Variants in ATP9B observed in about 807,000 individuals in gnomAD.
ATP9B encodes the protein probable phospholipid-transporting ATPase IIB.
ATP9B carries 110 observed loss-of-function variants against 146.1 expected under a neutral mutation model. The observed-to-expected ratio is 0.75, with a 90% CI of 0.65 to 0.88. The LOEUF (loss-of-function observed/expected upper bound fraction) is 0.88, where lower values mean the gene tolerates loss of function less well. ATP9B is among the 40% of genes least tolerant of loss of function. ATP9B has a pLI of 0.00. For missense variants in ATP9B, 1,499 were observed against 1,496.4 expected, an observed-to-expected ratio of 1.00 and a Z score of -0.03; for synonymous variants, 604 against 569.7, an observed-to-expected ratio of 1.06 and a Z score of -0.86.
At chr18:79,214,943 T>C (rs1369505737) in intron 11 of ATP9B, among the ~76,000 whole-genome samples, 1 of 151,934 alleles carries the variant, frequency 6.6e-6, no homozygotes, top group African/African-American at 2.4e-5. Flanking sequence ...GGGCCAGAAG[T>C]TTGAGACCAG....
At chr18:79,129,503 C>G (rs184965543) in intron 5 of ATP9B, among the ~76,000 whole-genome samples, 56 of 152,280 alleles carry the variant, frequency 3.7e-4, no homozygotes, top group Middle Eastern at 3.4e-3. Flanking sequence ...CCTCCTCCCC[C>G]CTGCCCCTCC....
chr18:79,271,735 A>C (rs1355476711), intron 12 of ATP9B, among the ~76,000 whole-genome samples: 2 of 152,132 alleles, frequency 1.3e-5, no homozygotes, highest in Non-Finnish European at 2.9e-5. Flanking sequence ...ATGATTTATA[A>C]TCCTTTGGGT....
intron 5 of ATP9B, among the ~76,000 whole-genome samples, chr18:79,133,434 T>C (rs2094406738): frequency 6.6e-6 from 1 of 152,132 alleles, no homozygotes; most frequent in Non-Finnish European, 1.5e-5. Flanking sequence ...TTCCATTTTT[T>C]ATTATTAGTT....
chr18:79,307,226 C>G lies in ATP9B; in HGVS notation c.1765C>G (p.Pro589Ala). 1 of 1,614,148 alleles carries G rather than the reference C, an allele frequency of 6.2e-7. No homozygotes were observed. Among genetic ancestry groups the G allele is most frequent in the Non-Finnish European group, 8.5e-7 (1 of 1,179,998 alleles). Reference protein sequence around the residue: ...DENRTYQASSPDEVALVQWTE... With the variant: ...DENRTYQASSADEVALVQWTE... ...GAATCGCACCTACCAGGCTTCCAGC[C>G]CGGATGAGGTCAGTCAAAGCACAAA... Residue 589 changes from proline (P) to alanine (A), a missense_variant, in exon 15 of 30, where the codon CCG (proline) becomes GCG (alanine). Physicochemically the swap from Pro to Ala is conservative, Grantham distance 27 (BLOSUM62 -1). Transcript: ENST00000426216.
At chr18:79,152,806 A>G (rs1330204258) in intron 6 of ATP9B, among the ~76,000 whole-genome samples, 1 of 152,130 alleles carries the variant, frequency 6.6e-6, no homozygotes. Context: ...AAACACAATT[A>G]TTTCCTCACT....
At chr18:79,165,760 A>G (rs905859543) in intron 7 of ATP9B, among the ~76,000 whole-genome samples, 4 of 152,088 alleles carry the variant, frequency 2.6e-5, no homozygotes, top group African/African-American at 4.8e-5. Context: ...TTCCTAGGCT[A>G]TGGCTGCAGC....
chr18:79,176,831 C>T lies in ATP9B; in HGVS notation c.797C>T (p.Thr266Ile), dbSNP rs1327097269. The T allele has an allele frequency of 6.2e-7, 1 of 1,613,908 alleles. No homozygotes were observed. Among genetic ancestry groups the T allele is most frequent in the Non-Finnish European group, 8.5e-7 (1 of 1,179,974 alleles). ...TTCCAAGGTTCGTGTTTTATTCGAA[C>T]TGATCAACTAGATGGTGAAACTGAC... is the stretch of plus-strand genomic sequence containing the variant. ...SEKAGSCFIR[T>I]DQLDGETDWK... Residue 266 changes from threonine to isoleucine, a missense_variant, in exon 8 of 30, where the codon ACT becomes ATT. Transcript: ENST00000426216.
chr18:79,240,434 A>T (rs1202895607), intron 11 of ATP9B, among the ~76,000 whole-genome samples: 1 of 152,234 alleles, frequency 6.6e-6, no homozygotes, highest in Non-Finnish European at 1.5e-5. Flanking sequence ...TCATGAGCCT[A>T]ATGGAAGTTT....
At chr18:79,340,917 G>A (rs1297313068) in intron 19 of ATP9B, among the ~76,000 whole-genome samples, 1 of 152,204 alleles carries the variant, frequency 6.6e-6, no homozygotes, top group East Asian at 1.9e-4. Context: ...CCCTGACTGT[G>A]TGCCGCCTTG....
chr18:79,113,105 T>C (rs2094002768), intron 3 of ATP9B, 136 bp from the exon 4 acceptor site: 1 of 529,706 alleles, frequency 1.9e-6, no homozygotes, highest in Non-Finnish European at 3.3e-6. Context: ...AATTAATACA[T>C]TTACTTTGAA....
At position 79,171,040 on chromosome 18, in the gene ATP9B, A is replaced by G. The variant is rs936029247; in HGVS notation, c.779-5773A>G. Among the ~76,000 whole-genome samples the G allele has an allele frequency of 8.3e-4, 126 of 152,212 alleles. 3 individuals carry two copies. The highest frequency in any genetic ancestry group is 8.2e-3 in the Admixed American group (126 of 15,282). ...AGTTGTACCTGAAAGATTCTTTGCT[A>G]ATGAGCATATTTTGTTTAGTCTAAT... On this transcript the variant is annotated intron_variant, in intron 7 of 29. Coordinates refer to ENST00000426216, the MANE Select transcript of ATP9B (RefSeq NM_198531.5).
chr18:79,364,550 A>G (rs529994268), intron 26 of ATP9B, among the ~76,000 whole-genome samples: 3 of 152,328 alleles, frequency 2.0e-5, no homozygotes, highest in East Asian at 3.9e-4. Flanking sequence ...TCCACCTCAC[A>G]CTTCATGTGA....
chr18:79,312,392 G>A (rs555494720), intron 15 of ATP9B, among the ~76,000 whole-genome samples: 13 of 152,368 alleles, frequency 8.5e-5, no homozygotes, highest in African/African-American at 2.9e-4. Context: ...GTATGGAGCT[G>A]CATCCTGGCA....
In ATP9B at chr18:79,144,968, A is replaced by G. The variant is rs1358189855; in HGVS notation, c.726+1108A>G. 12 of 230,372 alleles carry G rather than the reference A, an allele frequency of 5.2e-5. No individual in the cohort carries two copies. The South Asian group carries it at 5.8e-4, about 11-fold the overall frequency. The allele number at this position is 230,372 out of a possible 1,614,324, so 14.3% of individuals were successfully genotyped here. A position where few individuals can be genotyped will look rare whatever the true frequency, so the allele number is the denominator to read the frequency against. On this transcript the variant is annotated intron_variant, in intron 6 of 29. Coordinates refer to ENST00000426216, the MANE Select transcript of ATP9B (RefSeq NM_198531.5). ...CTATAAGAAAAACATCAAAGGTCCA[A>G]CGTGGAGATTGTCAGGGCTGCTGGC...
At chr18:79,303,885 T>C (rs2096606827) in intron 14 of ATP9B, among the ~76,000 whole-genome samples, 169 bp downstream of exon 14, 1 of 152,200 alleles carries the variant, frequency 6.6e-6, no homozygotes, top group Non-Finnish European at 1.5e-5. Flanking sequence ...TCGTCTTTGA[T>C]GAGCATTTGT....
chr18:79,077,832 A>G (rs1232017434), intron 1 of ATP9B: 3 of 152,236 alleles, frequency 2.0e-5, no homozygotes, highest in Non-Finnish European at 4.4e-5. Flanking sequence ...TGTTCCTCGT[A>G]TCTGCTTTCT....
intron 11 of ATP9B, among the ~76,000 whole-genome samples, chr18:79,224,802 A>G (rs1378836885): frequency 6.6e-6 from 1 of 152,172 alleles, no homozygotes; most frequent in East Asian, 1.9e-4. Flanking sequence ...TCAGGAAAGC[A>G]CCAGCTGCTC....
At chr18:79,125,058 G>A (rs1041038711) in intron 4 of ATP9B, among the ~76,000 whole-genome samples, 3 of 152,220 alleles carry the variant, frequency 2.0e-5, no homozygotes, top group Non-Finnish European at 2.9e-5. Flanking sequence ...GGGAAGTTTC[G>A]TGAGATGGTC....
chr18:79,318,250 A>G (rs1380536877), intron 15 of ATP9B, among the ~76,000 whole-genome samples: 2 of 152,210 alleles, frequency 1.3e-5, no homozygotes, highest in African/African-American at 4.8e-5. Flanking sequence ...TGGTGTGAAA[A>G]GGGGAAAGGA....
Sources: allele counts gnomAD v4.1 joint callset (sites outside exome capture counted in the v4.1 genomes callset), GRCh38; gene constraint gnomAD v4.1.1; transcripts MANE v1.5; gene names NCBI Gene and HGNC (gene_info 2026-07-23, HGNC 2026-07-21).